The following DRC10 variants were observed in gnomAD, a reference collection of about 807,000 sequenced individuals.
DRC10 encodes the protein IQ domain-containing protein D.
chr12:113,201,653 G>T, the DRC10 span, among the ~76,000 whole-genome samples: 3 of 152,218 alleles, frequency 2.0e-5, no homozygotes, highest in Non-Finnish European at 4.4e-5. Context: ...GGGGGTGGAG[G>T]ATGAGACAGT....
the DRC10 span, chr12:113,207,407 C>T: frequency 6.5e-7 from 1 of 1,540,984 alleles, no homozygotes; most frequent in Non-Finnish European, 9.0e-7. Context: ...GTGGCTTCTT[C>T]AGTAATTTCA....
At chr12:113,216,141 T>G in the DRC10 span, among the ~76,000 whole-genome samples, 3 of 152,172 alleles carry the variant, frequency 2.0e-5, no homozygotes, top group African/African-American at 7.2e-5. Flanking sequence ...CTTCAGGAGC[T>G]GAGTAGATAA....
At chr12:113,197,614 T>C in the DRC10 span, 2 of 1,515,698 alleles carry the variant, frequency 1.3e-6, no homozygotes, top group South Asian at 2.4e-5. Context: ...ATATTTCTTC[T>C]AGAAAAGATC....
chr12:113,200,530 C>T, the DRC10 span: 1 of 560,648 alleles, frequency 1.8e-6, no homozygotes, highest in Non-Finnish European at 3.3e-6. Context: ...TCCCACCCAT[C>T]CCCCCCACCA....
At chr12:113,197,768 G>A in the DRC10 span, among the ~76,000 whole-genome samples, 8 of 152,318 alleles carry the variant, frequency 5.3e-5, no homozygotes, top group East Asian at 1.5e-3. Context: ...GGAGAGAACT[G>A]AGGCTCAGAC....
At chr12:113,208,335 C>A in the DRC10 span, 1 of 1,421,984 alleles carries the variant, frequency 7.0e-7, no homozygotes, top group East Asian at 2.5e-5. Context: ...GAAACCACAA[C>A]TGTTGACATC....
the DRC10 span, chr12:113,195,850 T>C: frequency 6.2e-7 from 1 of 1,613,224 alleles, no homozygotes; most frequent in Non-Finnish European, 8.5e-7. Context: ...AGCGAGATCT[T>C]CTCCTCCCTG....
At chr12:113,207,795 T>A in the DRC10 span, 1 of 1,614,182 alleles carries the variant, frequency 6.2e-7, no homozygotes, top group Non-Finnish European at 8.5e-7. Context: ...TGAGCCACCC[T>A]TCCTCCTCAG....
At chr12:113,206,454 G>A in the DRC10 span, among the ~76,000 whole-genome samples, 12 of 151,956 alleles carry the variant, frequency 7.9e-5, no homozygotes, top group African/African-American at 2.7e-4. Flanking sequence ...CTAGCCAATC[G>A]GGTTGAGTAC....
chr12:113,218,478 G>C, the DRC10 span, among the ~76,000 whole-genome samples: 1 of 151,566 alleles, frequency 6.6e-6, no homozygotes, highest in Admixed American at 6.6e-5. Flanking sequence ...GTCTTACTCT[G>C]TCACGCAGGC....
chr12:113,197,495 G>C, the DRC10 span: 2 of 1,294,006 alleles, frequency 1.5e-6, no homozygotes, highest in South Asian at 2.5e-5. Flanking sequence ...ATTCCTAGAA[G>C]GTCTTGGGAA....
the DRC10 span, among the ~76,000 whole-genome samples, chr12:113,196,798 C>T: frequency 6.6e-6 from 1 of 152,230 alleles, no homozygotes; most frequent in Non-Finnish European, 1.5e-5. Flanking sequence ...GGGCGTGTCT[C>T]GATTTGAAGG....
chr12:113,215,709 T>C, the DRC10 span, among the ~76,000 whole-genome samples: 1 of 152,232 alleles, frequency 6.6e-6, no homozygotes, highest in African/African-American at 2.4e-5. Flanking sequence ...TTTCTGGTTA[T>C]ATCTAAGTGT....
the DRC10 span, among the ~76,000 whole-genome samples, chr12:113,201,885 G>C: frequency 6.6e-6 from 1 of 152,198 alleles, no homozygotes; most frequent in Non-Finnish European, 1.5e-5. Flanking sequence ...GAATATGATC[G>C]GCAGTCAGAG....
the DRC10 span, chr12:113,208,427 G>T: frequency 8.5e-7 from 1 of 1,170,508 alleles, no homozygotes; most frequent in Non-Finnish European, 1.1e-6. Context: ...GGGTGTTAGG[G>T]CCACAAGGGC....
the DRC10 span, chr12:113,205,941 G>A: frequency 6.6e-6 from 1 of 151,098 alleles, no homozygotes; most frequent in Non-Finnish European, 1.5e-5. Context: ...AATAGGCCGG[G>A]CGTGGTGACT....
chr12:113,199,192 C>T, the DRC10 span, among the ~76,000 whole-genome samples: 1 of 152,310 alleles, frequency 6.6e-6, no homozygotes, highest in South Asian at 2.1e-4. Context: ...CTGCCTCAGC[C>T]TCCCAAAGTG....
the DRC10 span, chr12:113,195,565 G>A: frequency 6.3e-7 from 1 of 1,575,906 alleles, no homozygotes; most frequent in Non-Finnish European, 8.6e-7. Flanking sequence ...GAGCGGGCTG[G>A]GTGGAGAGCT....
the DRC10 span, chr12:113,200,332 G>A: frequency 6.0e-6 from 4 of 661,466 alleles, no homozygotes; most frequent in Admixed American, 8.3e-5. Context: ...GCAATGCTGG[G>A]ACAGGATCCC....
Sources: gnomAD v4.1 joint callset for allele counts (sites outside exome capture counted in the v4.1 genomes callset) on GRCh38, gnomAD v4.1.1 for gene constraint, MANE v1.5 for transcripts, NCBI Gene and HGNC (gene_info 2026-07-23, HGNC 2026-07-21) for gene names.